Variants in CAST observed in about 807,000 individuals in gnomAD.
The protein encoded by CAST is calpastatin, also known as MIR583 host.
A neutral mutation model predicts 119.6 loss-of-function variants in CAST; 76 were observed. The observed-to-expected ratio is 0.64, with a 90% CI of 0.53 to 0.77. CAST has a LOEUF of 0.77. Ranked by LOEUF, CAST falls within the 30% of genes least tolerant of loss-of-function variation. The probability of loss-of-function intolerance (pLI) is 0.00; values close to 1 mark genes in which losing one functional copy is unlikely to be tolerated. For synonymous variants in CAST, 319 were observed against 331.6 expected, an observed-to-expected ratio of 0.96 and a Z score of 0.41; for missense variants, 953 against 946.5, an observed-to-expected ratio of 1.01 and a Z score of -0.09.
the CAST span, among the ~76,000 whole-genome samples, chr5:96,379,853 C>A: frequency 6.6e-6 from 1 of 152,086 alleles, no homozygotes; most frequent in Admixed American, 6.6e-5. Context: ...GAAAAGCATT[C>A]GAATCTGGGT....
At chr5:96,455,745 T>A in the CAST span, among the ~76,000 whole-genome samples, 6,746 of 152,294 alleles carry the variant, frequency 0.044, 360 homozygotes, top group African/African-American at 0.12. Context: ...GAGGCCTCCG[T>A]TGAGCAACTT....
At chr5:96,632,336 C>T (rs901035246) in intron 1 of CAST, among the ~76,000 whole-genome samples, 1 of 150,494 alleles carries the variant, frequency 6.6e-6, no homozygotes, top group East Asian at 1.9e-4. Context: ...CTTTGACACA[C>T]AAAATTTTTT....
chr5:96,751,462 T>C (rs940639961), intron 20 of CAST, among the ~76,000 whole-genome samples: 1 of 152,218 alleles, frequency 6.6e-6, no homozygotes, highest in Non-Finnish European at 1.5e-5. Context: ...GAGTTGACCT[T>C]GATCCACTTG....
chr5:95,991,072 A>C, the CAST span, among the ~76,000 whole-genome samples: 1 of 152,192 alleles, frequency 6.6e-6, no homozygotes, highest in African/African-American at 2.4e-5. Flanking sequence ...TTTGCTTTCC[A>C]AAAAAGTTAA....
chr5:96,600,199 CCAAGAT>C (rs1747125296), intron 1 of CAST, among the ~76,000 whole-genome samples: 1 of 152,182 alleles, frequency 6.6e-6, no homozygotes, highest in Admixed American at 6.5e-5. Flanking sequence ...TCAAGACCAA[CCAAGAT>C]GCCTTTTAGT....
the CAST span, among the ~76,000 whole-genome samples, chr5:96,110,097 C>T: frequency 6.6e-6 from 1 of 152,108 alleles, no homozygotes; most frequent in Admixed American, 6.6e-5. Context: ...ATCTCCAGTT[C>T]CCAAAAACTC....
chr5:96,693,094 A>G (rs983685456), intron 2 of CAST, among the ~76,000 whole-genome samples: 1 of 152,232 alleles, frequency 6.6e-6, no homozygotes, highest in African/African-American at 2.4e-5. Flanking sequence ...CAAAGGGCTT[A>G]ATAAATACTT....
chr5:96,561,814 A>G (rs1746376017), intron 1 of CAST, among the ~76,000 whole-genome samples: 1 of 7,372 alleles, frequency 1.4e-4, no homozygotes, highest in African/African-American at 4.5e-4. Flanking sequence ...TTTTTTTGAG[A>G]CGGAGTCTCG....
chr5:96,469,889 T>TATATATGTAC, the CAST span, among the ~76,000 whole-genome samples: 1 of 145,172 alleles, frequency 6.9e-6, no homozygotes, highest in Non-Finnish European at 1.5e-5. Context: ...AATATATATA[T>TATATATGTAC]ACACACACAT....
the CAST span, among the ~76,000 whole-genome samples, chr5:96,103,685 G>A: frequency 2.1e-4 from 29 of 137,068 alleles, no homozygotes; most frequent in African/African-American, 4.1e-4. Flanking sequence ...CTTTATAGCA[G>A]CATGATTTAT....
intron 3 of CAST, among the ~76,000 whole-genome samples, chr5:96,712,602 T>C (rs1418391363): frequency 6.6e-6 from 1 of 152,194 alleles, no homozygotes. Context: ...GTGCTGGGAT[T>C]ATAGGCATGA....
At chr5:96,372,424 T>C in the CAST span, among the ~76,000 whole-genome samples, 13,692 of 152,134 alleles carry the variant, frequency 0.09, 1,988 homozygotes, top group African/African-American at 0.3. Flanking sequence ...ATCATGGTGG[T>C]TGCCCTCGGA....
rs201202862 is a variant in CAST, at chr5:96,594,824, A to AT, written c.60+64953dup. 7.9e-5 allele frequency among the ~76,000 whole-genome samples: 12 copies of AT among 152,028 alleles called. No individual in the cohort carries two copies. In the East Asian group the frequency reaches 1.4e-3, roughly 17 times the overall value. Reference sequence around the variant, plus strand: ...GCTTAAAGGTGAGGATTGTGGCAAGATTTTTTTTTCTCTTATTATTCCTGG... The same window carrying AT: ...GCTTAAAGGTGAGGATTGTGGCAAGATTTTTTTTTTCTCTTATTATTCCTGG... On this transcript the variant is annotated intron_variant, in intron 1 of 11. Transcript: ENST00000505143.
the CAST span, among the ~76,000 whole-genome samples, chr5:96,409,546 T>C: frequency 6.6e-6 from 1 of 152,328 alleles, no homozygotes; most frequent in South Asian, 2.1e-4. Context: ...GGAGGGAGTT[T>C]TACAAAGATA....
At chr5:96,749,461 C>T (rs1764488036) in intron 19 of CAST, among the ~76,000 whole-genome samples, 2 of 152,176 alleles carry the variant, frequency 1.3e-5, no homozygotes, top group South Asian at 4.1e-4. Context: ...CTGCTGAGCA[C>T]CTTGCATATA....
chr5:96,582,138 C>A (rs1164891636), intron 1 of CAST, among the ~76,000 whole-genome samples: 1 of 152,158 alleles, frequency 6.6e-6, no homozygotes, highest in African/African-American at 2.4e-5. Context: ...AAGTTTCCTT[C>A]TGACTCTAAA....
intron 1 of CAST, among the ~76,000 whole-genome samples, chr5:96,575,549 A>G (rs560451394): frequency 2.7e-5 from 4 of 149,428 alleles, no homozygotes; most frequent in Admixed American, 2.6e-4. Flanking sequence ...TGTAGATGCT[A>G]TCTATCAAAA....
At chr5:96,256,778 A>G in the CAST span, among the ~76,000 whole-genome samples, 18 of 152,158 alleles carry the variant, frequency 1.2e-4, no homozygotes, top group Admixed American at 1.2e-3. Context: ...TAATAATAGT[A>G]TATACAACCT....
At chr5:96,178,551 A>G in the CAST span, among the ~76,000 whole-genome samples, 1 of 152,274 alleles carries the variant, frequency 6.6e-6, no homozygotes, top group South Asian at 2.1e-4. Flanking sequence ...TCTTTGTTCC[A>G]TGTTTTGCTT....
Sources: allele counts gnomAD v4.1 joint callset (sites outside exome capture counted in the v4.1 genomes callset), GRCh38; gene constraint gnomAD v4.1.1; transcripts MANE v1.5; gene names NCBI Gene and HGNC (gene_info 2026-07-23, HGNC 2026-07-21).